KATNAL2: variants seen among roughly 807,000 people sequenced by gnomAD.
The protein encoded by KATNAL2 is katanin catalytic subunit A1 like 2.
Under a neutral mutation model 76.3 loss-of-function variants are expected in KATNAL2, and 52 were observed. That is an observed-to-expected ratio of 0.68 (90% confidence interval 0.55 to 0.86). The LOEUF (loss-of-function observed/expected upper bound fraction) is 0.86. KATNAL2 is among the 40% of genes least tolerant of loss of function. The pLI is 0.00. For synonymous variants in KATNAL2, 243 were observed against 244.2 expected (o/e 1.00, Z 0.05); for missense variants, 660 against 668.9 (o/e 0.99, Z 0.15).
intron 15 of KATNAL2, among the ~76,000 whole-genome samples, chr18:47,082,835 A>T (rs1031665191): frequency 1.3e-5 from 2 of 152,204 alleles, no homozygotes; most frequent in Non-Finnish European, 2.9e-5. Context: ...GCTAATGTGC[A>T]TGAAAGTATG....
chr18:47,031,665 A>G (rs980205852), intron 3 of KATNAL2, among the ~76,000 whole-genome samples: 2 of 152,068 alleles, frequency 1.3e-5, no homozygotes, highest in Admixed American at 1.3e-4. Flanking sequence ...TTTAGTAGAG[A>G]TGGGATCTTT....
rs145287665 is a variant in KATNAL2, at chr18:47,060,899, C to T, written c.549+1245C>T. 7.1e-4 allele frequency among the ~76,000 whole-genome samples: 108 copies of T among 152,316 alleles called. 1 individual carries two copies. The highest frequency in any genetic ancestry group is 2.6e-3 in the African/African-American group (107 of 41,566). On this transcript the variant is annotated intron_variant, in intron 8 of 17. Coordinates refer to ENST00000683218, the MANE Select transcript of KATNAL2 (RefSeq NM_001387690.1). ...TCTATTGTGTTTTCAGTCACCTTTG[C>T]CTAGCTTTTTTGTGGCATAAGTTTC...
intron 8 of KATNAL2, among the ~76,000 whole-genome samples, chr18:47,061,318 C>T (rs946079192): frequency 2.0e-5 from 3 of 152,068 alleles, no homozygotes; most frequent in Non-Finnish European, 4.4e-5. Context: ...TTACTCATGG[C>T]GGAAGGCAAG....
intron 3 of KATNAL2, among the ~76,000 whole-genome samples, chr18:47,025,325 G>A (rs1282223079): frequency 8.5e-6 from 1 of 118,112 alleles, no homozygotes; most frequent in East Asian, 3.3e-4. Context: ...GCTTGCTCTG[G>A]CCTGCAGCTG....
intron 15 of KATNAL2, among the ~76,000 whole-genome samples, chr18:47,093,135 T>C (rs1342836309): frequency 6.6e-6 from 1 of 152,194 alleles, no homozygotes; most frequent in Non-Finnish European, 1.5e-5. Context: ...TTCACCACGA[T>C]GTGACTTGGG....
intron 3 of KATNAL2, among the ~76,000 whole-genome samples, chr18:46,953,194 C>G (rs192801922): frequency 6.6e-6 from 1 of 152,158 alleles, no homozygotes; most frequent in Admixed American, 6.6e-5. Flanking sequence ...GCTCCCGGCA[C>G]CTTCCTCCTT....
rs1342278716 is a variant in KATNAL2, at chr18:46,957,556, T to C, written c.51+10633T>C. On this transcript the variant is annotated intron_variant, in intron 3 of 17. Coordinates refer to ENST00000683218, the MANE Select transcript of KATNAL2 (RefSeq NM_001387690.1). ...GGCGTGAACCACCGCGCCTGGCCTT[T>C]TTTTTTTTTTTTTTTTTTTTTTTGA... Among the ~76,000 whole-genome samples, 49 of 104,518 alleles carry C rather than the reference T, an allele frequency of 4.7e-4. 3 individuals are homozygous for C. The highest frequency in any genetic ancestry group is 9.5e-4 in the African/African-American group (25 of 26,224). The allele number at this position is 104,518 out of a possible 152,430, so 68.6% of individuals were successfully genotyped here. A position where few individuals can be genotyped will look rare whatever the true frequency, so the allele number is the denominator to read the frequency against.
chr18:46,952,054 T>C (rs1260255960), intron 3 of KATNAL2, among the ~76,000 whole-genome samples: 3 of 152,186 alleles, frequency 2.0e-5, no homozygotes, highest in Non-Finnish European at 2.9e-5. Flanking sequence ...ATTACAGGCA[T>C]GAGCCACCAT....
At chr18:46,957,469 C>T (rs779749538) in intron 3 of KATNAL2, among the ~76,000 whole-genome samples, 9 of 150,912 alleles carry the variant, frequency 6.0e-5, no homozygotes, top group Non-Finnish European at 1.2e-4. Context: ...TTAGCCAGGA[C>T]GGTCTCCATC....
intron 15 of KATNAL2, among the ~76,000 whole-genome samples, chr18:47,092,649 TG>T (rs980587041): frequency 2.0e-5 from 3 of 152,208 alleles, no homozygotes; most frequent in Non-Finnish European, 4.4e-5. Context: ...TTCATCTCCT[TG>T]GAGAGAAGGC....
At chr18:47,054,109 G>A (rs987195552) in intron 5 of KATNAL2, among the ~76,000 whole-genome samples, 12 of 152,240 alleles carry the variant, frequency 7.9e-5, no homozygotes, top group Non-Finnish European at 1.0e-4. Flanking sequence ...TAGCTGTAAA[G>A]CTAGCCTATA....
At chr18:47,073,426 C>T (rs912588878) in intron 13 of KATNAL2, among the ~76,000 whole-genome samples, 2 of 152,138 alleles carry the variant, frequency 1.3e-5, no homozygotes, top group African/African-American at 4.8e-5. Flanking sequence ...CGTCTCATTT[C>T]CTTTCAGAAA....
intron 13 of KATNAL2, among the ~76,000 whole-genome samples, chr18:47,071,363 C>T (rs914971266): frequency 6.6e-6 from 1 of 152,070 alleles, no homozygotes; most frequent in Non-Finnish European, 1.5e-5. Flanking sequence ...TGGCTTTTCC[C>T]CCAACTTAAT....
chr18:47,054,339 T>A, intron 5 of KATNAL2, 57 bp from the exon 6 acceptor site: 1 of 1,480,660 alleles, frequency 6.8e-7, no homozygotes, highest in Non-Finnish European at 9.4e-7. Flanking sequence ...CTGAAAAAAA[T>A]CACTTTGTCA....
At chr18:46,926,970 A>G (rs964246367) in intron 1 of KATNAL2, among the ~76,000 whole-genome samples, 1 of 152,042 alleles carries the variant, frequency 6.6e-6, no homozygotes, top group Non-Finnish European at 1.5e-5. Context: ...TTTTGAGCCT[A>G]TGTGTGTCTC....
At chr18:46,954,998 A>G (rs1411524710) in intron 3 of KATNAL2, among the ~76,000 whole-genome samples, 1 of 151,410 alleles carries the variant, frequency 6.6e-6, no homozygotes, top group African/African-American at 2.4e-5. Context: ...GGTTTTCTCT[A>G]TTTTTGGTTT....
At chr18:47,062,233 A>T (rs916143088) in intron 8 of KATNAL2, among the ~76,000 whole-genome samples, 3 of 152,106 alleles carry the variant, frequency 2.0e-5, no homozygotes, top group African/African-American at 7.2e-5. Flanking sequence ...AAATTTTTTT[A>T]ATTAGCCAAA....
intron 1 of KATNAL2, among the ~76,000 whole-genome samples, chr18:46,929,047 C>T (rs996699301): frequency 3.3e-5 from 5 of 152,264 alleles, no homozygotes; most frequent in African/African-American, 7.2e-5. Context: ...TCACCCACCT[C>T]GGCCTCCCAA....
chr18:46,951,674 T>C (rs1468824655), intron 3 of KATNAL2, among the ~76,000 whole-genome samples: 1 of 152,292 alleles, frequency 6.6e-6, no homozygotes, highest in East Asian at 1.9e-4. Flanking sequence ...AAACAAAGTA[T>C]CTATGAAACT....
Sources: gnomAD v4.1 joint callset for allele counts (sites outside exome capture counted in the v4.1 genomes callset) on GRCh38, gnomAD v4.1.1 for gene constraint, MANE v1.5 for transcripts, NCBI Gene and HGNC (gene_info 2026-07-23, HGNC 2026-07-21) for gene names.